The following GRIN2A variants were observed in gnomAD, a reference collection of about 807,000 sequenced individuals.
GRIN2A encodes glutamate receptor ionotropic, NMDA 2A.
In GRIN2A, 22 loss-of-function variants were observed where a neutral mutation model predicts 113.4. The ratio of observed to expected loss-of-function variants is 0.19; its 90% CI spans 0.14 to 0.28. The LOEUF is 0.28. GRIN2A is among the 10% of genes least tolerant of loss of function. The pLI is 1.00. For missense variants in GRIN2A, 1,502 were observed against 1,887.0 expected, an observed-to-expected ratio of 0.80 and a Z score of 3.78; for synonymous variants, 827 against 738.4, an observed-to-expected ratio of 1.12 and a Z score of -1.94.
chr16:10,049,029 C>T (rs2047308872), intron 2 of GRIN2A, among the ~76,000 whole-genome samples: 1 of 152,106 alleles, frequency 6.6e-6, no homozygotes, highest in Non-Finnish European at 1.5e-5. Flanking sequence ...CCAGTCGTTG[C>T]TATTCCAAAA....
intron 11 of GRIN2A, among the ~76,000 whole-genome samples, chr16:9,781,288 G>A (rs151226710): frequency 1.0e-3 from 155 of 152,280 alleles, no homozygotes; most frequent in African/African-American, 3.6e-3. Context: ...AAAAAGAACT[G>A]TAATGCCTAA....
intron 2 of GRIN2A, among the ~76,000 whole-genome samples, chr16:10,100,082 G>A (rs1237985318): frequency 6.6e-6 from 1 of 152,190 alleles, no homozygotes; most frequent in Non-Finnish European, 1.5e-5. Flanking sequence ...TGTCAGACAG[G>A]TGAAGGGGGG....
rs752833939 is a variant in GRIN2A at position 9,938,599 on chromosome 16, T to G, written c.415-48A>C. 4 of 1,376,490 alleles carry G rather than the reference T, an allele frequency of 2.9e-6. No individual in the cohort carries two copies. In the East Asian group the frequency reaches 9.2e-5, roughly 31 times the overall value. 85.3% of individuals were successfully genotyped at this position (1,376,490 alleles called of 1,614,324 possible). On this transcript the variant is annotated intron_variant, in intron 2 of 12. Coordinates refer to ENST00000330684, the MANE Select transcript of GRIN2A (RefSeq NM_001134407.3). ...ACAGAGGATGAGGCAGGAGGTGGTT[T>G]ATATAGAAGCACAAACTGCGTCCTA...
At chr16:10,032,505 T>C (rs185156809) in intron 2 of GRIN2A, among the ~76,000 whole-genome samples, 12 of 152,314 alleles carry the variant, frequency 7.9e-5, no homozygotes, top group African/African-American at 2.9e-4. Context: ...AATCTTCTCA[T>C]CAAAACAGCC....
chr16:10,076,091 C>T (rs1198097712), intron 2 of GRIN2A, among the ~76,000 whole-genome samples: 1 of 152,116 alleles, frequency 6.6e-6, no homozygotes, highest in Non-Finnish European at 1.5e-5. Context: ...GTGAATGTTC[C>T]TTAGGATCGG....
chr16:10,067,780 G>A (rs561331147), intron 2 of GRIN2A, among the ~76,000 whole-genome samples: 7 of 152,148 alleles, frequency 4.6e-5, no homozygotes, highest in Non-Finnish European at 1.0e-4. Context: ...GATGCATGAG[G>A]GTTGTCATAA....
At position 9,849,800 on chromosome 16, in the gene GRIN2A, C is replaced by A. The variant is rs147211564; in HGVS notation, c.1284G>T (p.Thr428=). ...GACATGGCACGGTGTTCCTCACACACGTCTCGGTCAGGGGGTCTATGTCTT... is the reference window on the plus strand; with the variant it reads ...GACATGGCACGGTGTTCCTCACACAAGTCTCGGTCAGGGGGTCTATGTCTT... ...IVEDIDPLTE[T]CVRNTVPCRK... The change falls in exon 5 of 13, where the codon ACG becomes ACT. Residue 428 remains threonine, a synonymous_variant. Transcript: ENST00000330684. The A allele has an allele frequency of 1.2e-6, 2 of 1,614,100 alleles. No individual in the cohort carries two copies. The highest frequency in any genetic ancestry group is 2.2e-5 in the South Asian group (2 of 91,074).
intron 2 of GRIN2A, among the ~76,000 whole-genome samples, chr16:10,019,322 C>T (rs2046672566): frequency 1.3e-5 from 2 of 152,128 alleles, no homozygotes; most frequent in African/African-American, 4.8e-5. Context: ...ATAATTATCA[C>T]TATTATTAAG....
chr16:9,925,299 G>C (rs1215032704), intron 3 of GRIN2A, among the ~76,000 whole-genome samples: 7 of 152,128 alleles, frequency 4.6e-5, no homozygotes, highest in Admixed American at 4.6e-4. Flanking sequence ...TGAATAACTG[G>C]GTTTTCTAGT....
In GRIN2A at chr16:10,119,008, A is replaced by T. The variant is rs548787468; in HGVS notation, c.414+60990T>A. On this transcript the variant is annotated intron_variant, in intron 2 of 12. Coordinates refer to ENST00000330684, the MANE Select transcript of GRIN2A (RefSeq NM_001134407.3). ...GATTTAGGGGACTGGAAGAGCCACAATATGGCAGAAATCTAGGTCCCTGAA... is the reference window on the plus strand; with the variant it reads ...GATTTAGGGGACTGGAAGAGCCACATTATGGCAGAAATCTAGGTCCCTGAA... 2.0e-5 allele frequency among the ~76,000 whole-genome samples: 3 copies of T among 152,330 alleles called. No individual in the cohort carries two copies. The South Asian group carries it at 6.2e-4, about 32-fold the overall frequency.
chr16:9,968,303 T>C (rs1259137464), intron 2 of GRIN2A, among the ~76,000 whole-genome samples: 1 of 151,406 alleles, frequency 6.6e-6, no homozygotes, highest in Admixed American at 6.6e-5. Flanking sequence ...TATGTATGTA[T>C]GTATACATGT....
intron 9 of GRIN2A, among the ~76,000 whole-genome samples, chr16:9,827,806 C>A (rs1194165518): frequency 1.3e-5 from 2 of 152,290 alleles, no homozygotes; most frequent in Middle Eastern, 3.4e-3. Context: ...ATTCACCCAG[C>A]AAGAGTGTCC....
intron 2 of GRIN2A, among the ~76,000 whole-genome samples, chr16:10,072,139 T>G (rs897517226): frequency 6.6e-6 from 1 of 152,326 alleles, no homozygotes; most frequent in East Asian, 1.9e-4. Context: ...GGACAATCTT[T>G]CACCATCGTG....
At chr16:9,876,705 A>G (rs1458713066) in intron 4 of GRIN2A, among the ~76,000 whole-genome samples, 2 of 152,130 alleles carry the variant, frequency 1.3e-5, no homozygotes, top group African/African-American at 4.8e-5. Flanking sequence ...TGCTTGGTAA[A>G]CAGATCAATA....
intron 2 of GRIN2A, among the ~76,000 whole-genome samples, chr16:9,951,941 GCTC>G (rs75058418): frequency 6.3e-4 from 96 of 152,038 alleles, no homozygotes; most frequent in Non-Finnish European, 1.1e-3. Context: ...CTTCCTCAGG[GCTC>G]AGAGGACAGA....
chr16:9,832,051 C>T (rs946699854), intron 8 of GRIN2A, among the ~76,000 whole-genome samples: 3 of 151,704 alleles, frequency 2.0e-5, no homozygotes, highest in African/African-American at 7.3e-5. Context: ...TCTGAGTAGC[C>T]GGGAATACAG....
intron 9 of GRIN2A, among the ~76,000 whole-genome samples, chr16:9,823,353 A>G (rs2042324445): frequency 1.3e-5 from 2 of 152,178 alleles, no homozygotes; most frequent in African/African-American, 4.8e-5. Context: ...AACCCTAGAT[A>G]ACACATTCAC....
At chr16:9,771,627 T>A (rs750045942) in intron 11 of GRIN2A, among the ~76,000 whole-genome samples, 13 of 151,328 alleles carry the variant, frequency 8.6e-5, no homozygotes, top group Non-Finnish European at 1.8e-4. Context: ...CATGGTGGGT[T>A]ACTTCCTTGT....
At chr16:9,996,868 A>G (rs2046232318) in intron 2 of GRIN2A, among the ~76,000 whole-genome samples, 1 of 152,138 alleles carries the variant, frequency 6.6e-6, no homozygotes, top group South Asian at 2.1e-4. Context: ...TAAAATGTTC[A>G]TTTTTCTGGT....
Sources: gnomAD v4.1 joint callset for allele counts (sites outside exome capture counted in the v4.1 genomes callset) on GRCh38, gnomAD v4.1.1 for gene constraint, MANE v1.5 for transcripts, NCBI Gene and HGNC (gene_info 2026-07-23, HGNC 2026-07-21) for gene names.